The following FNIP2 variants were observed in gnomAD, a reference collection of about 807,000 sequenced individuals.
FNIP2 encodes folliculin interacting protein 2, also known as folliculin-interacting protein 2.
A neutral mutation model predicts 108.7 loss-of-function variants in FNIP2; 32 were observed. That is an observed-to-expected ratio of 0.29 (90% CI 0.22 to 0.40). FNIP2 has a LOEUF of 0.40. Ranked by LOEUF, FNIP2 falls within the 10% of genes least tolerant of loss-of-function variation. The pLI is 1.00. For missense variants in FNIP2, 1,202 were observed against 1,381.6 expected (o/e 0.87, Z 2.06); for synonymous variants, 480 against 496.7 (o/e 0.97, Z 0.45).
chr4:158,853,782 A>T (rs1779831367), intron 8 of FNIP2, among the ~76,000 whole-genome samples: 1 of 152,248 alleles, frequency 6.6e-6, no homozygotes, highest in Non-Finnish European at 1.5e-5. Context: ...ATCCATTTTG[A>T]GTAAGTCTGA....
At chr4:158,880,596 TAAAA>T (rs1159834869) in intron 14 of FNIP2, among the ~76,000 whole-genome samples, 2 of 152,086 alleles carry the variant, frequency 1.3e-5, no homozygotes, top group African/African-American at 4.8e-5. Flanking sequence ...ATAATAATAA[TAAAA>T]AAAATTCTAG....
intron 5 of FNIP2, among the ~76,000 whole-genome samples, chr4:158,833,049 T>C (rs1778569919): frequency 6.6e-6 from 1 of 152,262 alleles, no homozygotes; most frequent in Non-Finnish European, 1.5e-5. Flanking sequence ...GTAAGAATTA[T>C]AATTTCTGTT....
At chr4:158,895,656 TGTA>T (rs1782603957) in intron 15 of FNIP2, 91 bp from the exon 16 acceptor site, 2 of 755,348 alleles carry the variant, frequency 2.6e-6, no homozygotes, top group African/African-American at 3.5e-5. Context: ...ATAAAAGCTG[TGTA>T]GTTAGAAATG....
At chr4:158,798,900 C>G (rs1560760818) in intron 1 of FNIP2, among the ~76,000 whole-genome samples, 1 of 152,142 alleles carries the variant, frequency 6.6e-6, no homozygotes, top group Admixed American at 6.5e-5. Flanking sequence ...TTTTATTCCT[C>G]TGTCAGATAA....
At chr4:158,883,734 G>A in intron 14 of FNIP2, among the ~76,000 whole-genome samples, 1 of 152,134 alleles carries the variant, frequency 6.6e-6, no homozygotes, top group Non-Finnish European at 1.5e-5. Context: ...GCATAAAGAT[G>A]GGGAACTTGT....
chr4:158,806,536 T>C (rs1776968867), intron 1 of FNIP2: 2 of 691,682 alleles, frequency 2.9e-6, no homozygotes, highest in Non-Finnish European at 4.2e-6. Flanking sequence ...TAAGTGCTTC[T>C]AAGTAGGAGA....
chr4:158,835,973 CA>C (rs1322343007), intron 7 of FNIP2: 3 of 152,452 alleles, frequency 2.0e-5, no homozygotes, highest in Non-Finnish European at 4.4e-5. Context: ...CTGTTGGTTT[CA>C]CCTTTTGTAT....
Position 158,869,077 on chromosome 4 carries a change from G to A in FNIP2, c.2441G>A (p.Ser814Asn), listed in dbSNP as rs750218095. Residue 814 changes from serine (S) to asparagine (N), a missense_variant, in exon 13 of 17, where the codon AGC becomes AAC. Physicochemically the swap from Ser to Asn is conservative, Grantham distance 46. Transcript: ENST00000264433. ...GCAGCAGATATTGCTGGGCAGCTCAGCCACGCTGCTGACTTGGGCACAGCC... is the reference window on the plus strand; with the variant it reads ...GCAGCAGATATTGCTGGGCAGCTCAACCACGCTGCTGACTTGGGCACAGCC... ...DMAADIAGQLSHAADLGTASH... is the reference protein window; with the variant it reads ...DMAADIAGQLNHAADLGTASH... 1.2e-6 allele frequency: 2 copies of A among 1,613,908 alleles called. No individual in the cohort carries two copies. Among genetic ancestry groups the A allele is most frequent in the African/African-American group, 1.3e-5 (1 of 74,920 alleles).
chr4:158,869,474 C>A, intron 13 of FNIP2, 46 bp downstream of exon 13: 1 of 1,515,398 alleles, frequency 6.6e-7, no homozygotes, highest in East Asian at 2.4e-5. Flanking sequence ...GTTCAAATCC[C>A]ACTTTCCTGG....
intron 7 of FNIP2, among the ~76,000 whole-genome samples, chr4:158,839,183 G>T (rs1457242772): frequency 6.6e-6 from 1 of 152,136 alleles, no homozygotes; most frequent in East Asian, 1.9e-4. Context: ...TACCTAAGGG[G>T]TGGGGAATTA....
At chr4:158,814,817 A>G (rs1300312971) in intron 1 of FNIP2, among the ~76,000 whole-genome samples, 1 of 152,228 alleles carries the variant, frequency 6.6e-6, no homozygotes, top group African/African-American at 2.4e-5. Flanking sequence ...CCTGGAATTC[A>G]TTAAGGTGGT....
At chr4:158,880,954 T>C (rs1781554727) in intron 14 of FNIP2, among the ~76,000 whole-genome samples, 1 of 152,198 alleles carries the variant, frequency 6.6e-6, no homozygotes, top group Non-Finnish European at 1.5e-5. Context: ...ATCACATTCA[T>C]CATGAGCTCT....
chr4:158,770,744 G>A (rs540536466), intron 1 of FNIP2, among the ~76,000 whole-genome samples: 1 of 152,244 alleles, frequency 6.6e-6, no homozygotes, highest in African/African-American at 2.4e-5. Context: ...TCGGACCTAA[G>A]GTGTGTAATT....
At chr4:158,893,460 C>T in intron 15 of FNIP2, 2 of 464,952 alleles carry the variant, frequency 4.3e-6, no homozygotes, top group Non-Finnish European at 3.9e-6. Flanking sequence ...CAGTAAACAG[C>T]TACTATTAGT....
At chr4:158,851,223 G>T in intron 7 of FNIP2, 98 bp from the exon 8 acceptor site, 1 of 1,346,712 alleles carries the variant, frequency 7.4e-7, no homozygotes, top group Non-Finnish European at 1.0e-6. Flanking sequence ...AATAAATGTA[G>T]AGTTCAGTGA....
chr4:158,835,133 G>GT (rs918045740), intron 6 of FNIP2: 1,379 of 182,298 alleles, frequency 7.6e-3, no homozygotes, highest in South Asian at 0.019. Flanking sequence ...ATTATTCAGA[G>GT]TTTTTTTTTT....
At chr4:158,892,141 CTTTTT>C (rs34895070) in intron 15 of FNIP2, among the ~76,000 whole-genome samples, 2 of 113,506 alleles carry the variant, frequency 1.8e-5, no homozygotes. Context: ...TCAATTGTTG[CTTTTT>C]TTTTTTTTTT....
intron 1 of FNIP2, among the ~76,000 whole-genome samples, chr4:158,802,384 T>C (rs1198895115): frequency 6.6e-6 from 1 of 152,138 alleles, no homozygotes; most frequent in Non-Finnish European, 1.5e-5. Context: ...GGATTCTTTT[T>C]TTTTTTCCTT....
intron 1 of FNIP2, among the ~76,000 whole-genome samples, chr4:158,799,031 G>A (rs1023506660): frequency 6.6e-6 from 1 of 152,242 alleles, no homozygotes; most frequent in Admixed American, 6.5e-5. Context: ...CCAGTCTAGT[G>A]TGAGACATAG....
Sources: gnomAD v4.1 joint callset for allele counts (sites outside exome capture counted in the v4.1 genomes callset) on GRCh38, gnomAD v4.1.1 for gene constraint, MANE v1.5 for transcripts, NCBI Gene and HGNC (gene_info 2026-07-23, HGNC 2026-07-21) for gene names.